DEFB131A: variants seen among roughly 807,000 people sequenced by gnomAD.
DEFB131A encodes defensin beta 131A, also known as beta-defensin 131A.
DEFB131A carries 5 observed loss-of-function variants against 2.4 expected under a neutral mutation model. That is an observed-to-expected ratio of 2.12 (90% confidence interval 1.11 to 4.47). The LOEUF (loss-of-function observed/expected upper bound fraction) is 4.47. Among genes scored for constraint, DEFB131A ranks in the 30% most tolerant of loss-of-function variants. DEFB131A has a pLI of 0.00. For missense variants in DEFB131A, 120 were observed against 79.9 expected, an observed-to-expected ratio of 1.50 and a Z score of -1.91; for synonymous variants, 34 against 25.7, an observed-to-expected ratio of 1.32 and a Z score of -0.97.
Position 9,449,108 on chromosome 4 carries a change from C to T in DEFB131A, c.59-1252C>T, listed in dbSNP as rs534346662. ...TCATAATAGCAAGAAAAAGATAAGA[C>T]ACTTAAGAATAAACTTAACAAAAAG... On this transcript the variant is annotated intron_variant, in intron 1 of 1. Coordinates refer to ENST00000334879, the MANE Select transcript of DEFB131A (RefSeq NM_001040448.3). Among the ~76,000 whole-genome samples the T allele has an allele frequency of 4.0e-3, 600 of 151,298 alleles. 1 individual carries two copies. Among genetic ancestry groups the T allele is most frequent in the African/African-American group, 0.013 (542 of 41,250 alleles).
At chr4:9,446,355 A>G (rs1247655895) in intron 1 of DEFB131A, among the ~76,000 whole-genome samples, 1 of 152,070 alleles carries the variant, frequency 6.6e-6, no homozygotes, top group Admixed American at 6.5e-5. Context: ...TGGTAAAAAA[A>G]AATTCTTCGT....
intron 1 of DEFB131A, among the ~76,000 whole-genome samples, chr4:9,447,953 G>A (rs948369133): frequency 6.6e-6 from 1 of 152,040 alleles, no homozygotes; most frequent in African/African-American, 2.4e-5. Context: ...ATAAGTGTAG[G>A]CCAATTACAA....
chr4:9,446,984 G>T (rs1717520146), intron 1 of DEFB131A, among the ~76,000 whole-genome samples: 1 of 152,036 alleles, frequency 6.6e-6, no homozygotes, highest in Admixed American at 6.6e-5. Flanking sequence ...AAAATTTGTT[G>T]AAACTTGTTT....
chr4:9,450,400 T>A lies in DEFB131A; in HGVS notation c.99T>A (p.Tyr33Ter). Reference protein sequence around the residue: ...FISNDECPSEYYHCRLKCNAD... With the variant: ...FISNDECPSE ...CTAATGATGAATGTCCTTCAGAATA[T>A]TATCATTGCAGACTGAAGTGCAATG... is the stretch of plus-strand genomic sequence containing the variant. The change falls in exon 2 of 2, where the codon TAT becomes TAA. Residue 33 changes from tyrosine (Y) to a stop codon, truncating the protein, a stop_gained. Transcript: ENST00000334879. LOFTEE classifies it low-confidence loss of function (END_TRUNC). The A allele has an allele frequency of 1.2e-6, 2 of 1,600,244 alleles. No homozygotes were observed. Among genetic ancestry groups the A allele is most frequent in the Non-Finnish European group, 8.5e-7 (1 of 1,172,822 alleles).
rs564893729 is a variant in DEFB131A at position 9,444,727 on chromosome 4, A to G, written c.58+136A>G. 1.3e-5 allele frequency: 11 copies of G among 830,608 alleles called. No homozygotes were observed. In the African/African-American group the frequency reaches 1.8e-4, roughly 14 times the overall value. 51.5% of individuals were successfully genotyped at this position (830,608 alleles called of 1,614,324 possible). A position where few individuals can be genotyped will look rare whatever the true frequency, so the allele number is the denominator to read the frequency against. ...ATGAAGGCTGCTCAGAGGATTGAAG[A>G]GTTGATACTAAAGAAATAAATAAGG... On this transcript the variant is annotated intron_variant, in intron 1 of 1. Coordinates refer to ENST00000334879, the MANE Select transcript of DEFB131A (RefSeq NM_001040448.3).
At chr4:9,448,526 G>T (rs1453069851) in intron 1 of DEFB131A, among the ~76,000 whole-genome samples, 2 of 152,062 alleles carry the variant, frequency 1.3e-5, no homozygotes, top group East Asian at 1.9e-4. Context: ...ATTCCGCTAG[G>T]TTAGCCAGGC....
intron 1 of DEFB131A, among the ~76,000 whole-genome samples, chr4:9,449,995 G>A (rs1369694518): frequency 6.6e-6 from 1 of 151,990 alleles, no homozygotes; most frequent in Non-Finnish European, 1.5e-5. Context: ...ACTTACACTA[G>A]ATTACATCCC....
rs781190211 is a variant in DEFB131A, at chr4:9,444,596, G to C, written c.58+5G>C. ...TGATGTTCACAGTTCCTCCAGGTAAGACAGAAACTTTTTTATTCCAAAGTT... is the reference window on the plus strand; with the variant it reads ...TGATGTTCACAGTTCCTCCAGGTAACACAGAAACTTTTTTATTCCAAAGTT... On this transcript the variant is annotated splice_donor_5th_base_variant and intron_variant, in intron 1 of 1. Coordinates refer to ENST00000334879, the MANE Select transcript of DEFB131A (RefSeq NM_001040448.3). The C allele has an allele frequency of 6.5e-7, 1 of 1,536,168 alleles. No individual in the cohort carries two copies. The highest frequency in any genetic ancestry group is 2.3e-5 in the East Asian group (1 of 42,930).
At chr4:9,448,593 G>A (rs1717567021) in intron 1 of DEFB131A, among the ~76,000 whole-genome samples, 1 of 152,048 alleles carries the variant, frequency 6.6e-6, no homozygotes, top group Non-Finnish European at 1.5e-5. Context: ...CAAAGTACCA[G>A]GATTAAAGGT....
rs763858628 is a variant in DEFB131A at position 9,450,558 on chromosome 4, G to A, written c.*44G>A. 15 of 1,583,826 alleles carry A rather than the reference G, an allele frequency of 9.5e-6. No individual in the cohort carries two copies. Among genetic ancestry groups the A allele is most frequent in the Middle Eastern group, 2.3e-4 (1 of 4,396 alleles). ...CTTCAGACTCCGGGACAAAAAACAT[G>A]TCTTAAACTCTCTTATCTATGAATA... On this transcript the variant is annotated 3_prime_UTR_variant, in exon 2 of 2. Transcript: ENST00000334879.
rs550865443 is a variant in DEFB131A, at chr4:9,446,593, T to A, written c.58+2002T>A. ...TTTTTTAAATCTTGAATTCACTTAG[T>A]CCTGCTCTGATTTTTATTATTTCTT... On this transcript the variant is annotated intron_variant, in intron 1 of 1. Transcript: ENST00000334879. Among the ~76,000 whole-genome samples the A allele has an allele frequency of 3.3e-5, 5 of 152,188 alleles. No individual in the cohort carries two copies. The South Asian group carries it at 8.3e-4, about 25-fold the overall frequency.
At chr4:9,450,038 T>A (rs1342923601) in intron 1 of DEFB131A, among the ~76,000 whole-genome samples, 2 of 152,158 alleles carry the variant, frequency 1.3e-5, no homozygotes, top group Non-Finnish European at 2.9e-5. Context: ...ACTCCAGAAG[T>A]TAAACATTAT....
At chr4:9,446,819 T>G (rs1717515981) in intron 1 of DEFB131A, among the ~76,000 whole-genome samples, 2 of 152,154 alleles carry the variant, frequency 1.3e-5, no homozygotes, top group South Asian at 4.1e-4. Context: ...CATTTGTTAT[T>G]TTCTTCTTTG....
At chr4:9,448,935 A>T (rs1717577194) in intron 1 of DEFB131A, among the ~76,000 whole-genome samples, 1 of 152,112 alleles carries the variant, frequency 6.6e-6, no homozygotes, top group Non-Finnish European at 1.5e-5. Context: ...ATTTTTTTGT[A>T]AAAAACTCTA....
intron 1 of DEFB131A, among the ~76,000 whole-genome samples, chr4:9,448,699 C>A (rs1260031589): frequency 1.3e-5 from 2 of 152,114 alleles, no homozygotes; most frequent in Non-Finnish European, 2.9e-5. Context: ...GTAGTCCTAC[C>A]TTACAATAAA....
At chr4:9,445,732 T>A (rs1283253247) in intron 1 of DEFB131A, among the ~76,000 whole-genome samples, 1 of 152,106 alleles carries the variant, frequency 6.6e-6, no homozygotes, top group Non-Finnish European at 1.5e-5. Flanking sequence ...TGCCTTAAAG[T>A]GTTCTATTCA....
chr4:9,445,952 G>A (rs1717482717), intron 1 of DEFB131A, among the ~76,000 whole-genome samples: 1 of 152,016 alleles, frequency 6.6e-6, no homozygotes, highest in African/African-American at 2.4e-5. Flanking sequence ...CTTTTATTTA[G>A]CATAATGTTT....
chr4:9,445,274 T>A (rs541051927), intron 1 of DEFB131A, among the ~76,000 whole-genome samples: 2 of 152,180 alleles, frequency 1.3e-5, no homozygotes, highest in South Asian at 4.1e-4. Flanking sequence ...AATTCACCAC[T>A]GATCCAGGCA....
intron 1 of DEFB131A, among the ~76,000 whole-genome samples, chr4:9,449,284 C>A (rs1403476424): frequency 7.8e-6 from 1 of 127,548 alleles, no homozygotes; most frequent in Admixed American, 8.7e-5. Context: ...AGATTATATA[C>A]AATCCCTATC....
Sources: allele counts gnomAD v4.1 joint callset (sites outside exome capture counted in the v4.1 genomes callset), GRCh38; gene constraint gnomAD v4.1.1; transcripts MANE v1.5; gene names NCBI Gene and HGNC (gene_info 2026-07-23, HGNC 2026-07-21).